Variants in OR2L13 observed in about 807,000 individuals in gnomAD.
OR2L13 encodes the protein olfactory receptor 2L13.
In OR2L13, 14 loss-of-function variants were observed where a neutral mutation model predicts 15.3. The ratio of observed to expected loss-of-function variants is 0.91; its 90% CI spans 0.60 to 1.43. OR2L13 has a LOEUF of 1.43. OR2L13 is among the 40% of genes most tolerant of loss of function. OR2L13 has a pLI of 0.00. For synonymous variants in OR2L13, 152 were observed against 142.9 expected, an observed-to-expected ratio of 1.06 and a Z score of -0.45; for missense variants, 367 against 387.9, an observed-to-expected ratio of 0.95 and a Z score of 0.45.
chr1:247,995,713 T>C, the OR2L13 span, among the ~76,000 whole-genome samples: 2 of 152,190 alleles, frequency 1.3e-5, no homozygotes, highest in Admixed American at 1.3e-4. Flanking sequence ...ATAATTCCTC[T>C]AGCATTTATT....
At chr1:248,028,305 G>A in the OR2L13 span, among the ~76,000 whole-genome samples, 27 of 152,128 alleles carry the variant, frequency 1.8e-4, no homozygotes, top group Admixed American at 8.5e-4. Flanking sequence ...CACTCCATGG[G>A]CAATGGAACC....
At chr1:248,076,586 A>G in the OR2L13 span, among the ~76,000 whole-genome samples, 15 of 152,132 alleles carry the variant, frequency 9.9e-5, no homozygotes, top group East Asian at 2.7e-3. Flanking sequence ...GGATTCCTAG[A>G]TATTTTATTC....
upstream of OR2L13, among the ~76,000 whole-genome samples, chr1:248,094,526 T>C (rs972668632): frequency 6.6e-5 from 10 of 152,206 alleles, no homozygotes; most frequent in Non-Finnish European, 1.3e-4. Flanking sequence ...AAATCTTAAG[T>C]AATTTTCCCA....
the OR2L13 span, among the ~76,000 whole-genome samples, chr1:247,994,904 A>G: frequency 6.6e-6 from 1 of 152,300 alleles, no homozygotes; most frequent in African/African-American, 2.4e-5. Flanking sequence ...ACACTCAATC[A>G]GACTGACTTG....
chr1:248,083,633 T>G, the OR2L13 span: 1 of 1,419,902 alleles, frequency 7.0e-7, no homozygotes, highest in African/African-American at 1.4e-5. Context: ...TGACACTAGA[T>G]CATCTTGACC....
At chr1:247,990,102 AATAT>A in the OR2L13 span, 1 of 209,044 alleles carries the variant, frequency 4.8e-6, no homozygotes, top group Non-Finnish European at 9.6e-6. Flanking sequence ...TAAACTTTAT[AATAT>A]ATATTTATTG....
chr1:248,066,866 A>G, the OR2L13 span, among the ~76,000 whole-genome samples: 2 of 152,252 alleles, frequency 1.3e-5, no homozygotes, highest in African/African-American at 4.8e-5. Context: ...AGTTGCAAAG[A>G]TATTTCCCTG....
At chr1:248,001,614 A>G in the OR2L13 span, among the ~76,000 whole-genome samples, 4 of 152,146 alleles carry the variant, frequency 2.6e-5, no homozygotes, top group Non-Finnish European at 5.9e-5. Context: ...AAAATTTCTT[A>G]TATTTTACAT....
the OR2L13 span, among the ~76,000 whole-genome samples, chr1:247,963,636 T>G: frequency 6.6e-6 from 1 of 152,214 alleles, no homozygotes; most frequent in Non-Finnish European, 1.5e-5. Context: ...TAGTTAATTT[T>G]GGCATAGTTA....
chr1:247,949,683 T>A, the OR2L13 span: 3 of 1,613,794 alleles, frequency 1.9e-6, no homozygotes, highest in Non-Finnish European at 2.5e-6. Flanking sequence ...TCTGGCTGTC[T>A]TCTACACCAT....
chr1:247,947,349 G>A, the OR2L13 span, among the ~76,000 whole-genome samples: 2 of 152,264 alleles, frequency 1.3e-5, no homozygotes, highest in South Asian at 4.1e-4. Flanking sequence ...TGCACACTGG[G>A]AATCTTCCTC....
At chr1:247,967,366 T>C in the OR2L13 span, among the ~76,000 whole-genome samples, 2 of 151,984 alleles carry the variant, frequency 1.3e-5, no homozygotes, top group African/African-American at 4.8e-5. Context: ...ATAGTTGAGA[T>C]TACAGGCACC....
At chr1:248,022,882 T>C in the OR2L13 span, 1 of 1,603,692 alleles carries the variant, frequency 6.2e-7, no homozygotes, top group Non-Finnish European at 8.5e-7. Context: ...TCGGTGAAAA[T>C]GTAGACATAC....
the OR2L13 span, among the ~76,000 whole-genome samples, chr1:248,049,528 T>A: frequency 6.6e-6 from 1 of 152,164 alleles, no homozygotes; most frequent in Non-Finnish European, 1.5e-5. Context: ...ATAGAAAATA[T>A]CTTTCATTTA....
the OR2L13 span, among the ~76,000 whole-genome samples, chr1:248,033,301 A>G: frequency 6.6e-6 from 1 of 152,214 alleles, no homozygotes; most frequent in Non-Finnish European, 1.5e-5. Flanking sequence ...GAATGTAGAT[A>G]TCTAGTTTTT....
the OR2L13 span, among the ~76,000 whole-genome samples, chr1:248,011,259 T>C: frequency 1.3e-5 from 2 of 152,216 alleles, no homozygotes; most frequent in Admixed American, 6.5e-5. Flanking sequence ...TTCTTTTCTT[T>C]AAGGTTGAAT....
chr1:248,001,313 T>G, the OR2L13 span, among the ~76,000 whole-genome samples: 2 of 151,986 alleles, frequency 1.3e-5, no homozygotes, highest in Non-Finnish European at 2.9e-5. Context: ...CACGCCTCCC[T>G]CCTTCCTTTC....
At chr1:248,079,975 T>C in the OR2L13 span, among the ~76,000 whole-genome samples, 9 of 152,176 alleles carry the variant, frequency 5.9e-5, no homozygotes, top group Admixed American at 2.0e-4. Flanking sequence ...ATATCCAACA[T>C]GCACAAGGAA....
the OR2L13 span, among the ~76,000 whole-genome samples, chr1:248,020,943 A>G: frequency 6.6e-6 from 1 of 151,746 alleles, no homozygotes; most frequent in Non-Finnish European, 1.5e-5. Flanking sequence ...TTATGCAAAG[A>G]CAATTCAAGA....
Sources: gnomAD v4.1 joint callset for allele counts (sites outside exome capture counted in the v4.1 genomes callset) on GRCh38, gnomAD v4.1.1 for gene constraint, MANE v1.5 for transcripts, NCBI Gene and HGNC (gene_info 2026-07-23, HGNC 2026-07-21) for gene names.